Variants in PRKCA observed in about 807,000 individuals in gnomAD.
PRKCA encodes protein kinase C alpha type.
A neutral mutation model predicts 87.0 loss-of-function variants in PRKCA; 27 were observed. The observed-to-expected ratio is 0.31, with a 90% confidence interval of 0.23 to 0.43. The LOEUF is 0.43. Ranked by LOEUF, PRKCA falls within the 20% of genes least tolerant of loss-of-function variation. PRKCA has a pLI of 1.00. For synonymous variants in PRKCA, 329 were observed against 311.1 expected (o/e 1.06, Z -0.61); for missense variants, 518 against 852.3 (o/e 0.61, Z 4.88).
intron 2 of PRKCA, among the ~76,000 whole-genome samples, chr17:66,370,228 C>CTTTTTTTTTTTTTTT (rs35851942): frequency 8.9e-6 from 1 of 112,258 alleles, no homozygotes; most frequent in Non-Finnish European, 1.7e-5. Context: ...TATTTTGATA[C>CTTTTTTTTTTTTTTT]TTTTTTTTTT....
chr17:66,582,250 G>A (rs971876108), intron 3 of PRKCA, among the ~76,000 whole-genome samples: 1 of 152,158 alleles, frequency 6.6e-6, no homozygotes, highest in Admixed American at 6.6e-5. Context: ...CGCAACTCAA[G>A]GACTTCTGTG....
intron 5 of PRKCA, among the ~76,000 whole-genome samples, chr17:66,671,487 G>GGT (rs2143951781): frequency 6.6e-6 from 1 of 152,220 alleles, no homozygotes; most frequent in South Asian, 2.1e-4. Context: ...ATATGTCCAA[G>GGT]GTGCTGAGTA....
At chr17:66,449,260 G>T (rs1914192560) in intron 2 of PRKCA, among the ~76,000 whole-genome samples, 1 of 152,122 alleles carries the variant, frequency 6.6e-6, no homozygotes, top group African/African-American at 2.4e-5. Flanking sequence ...CTGCACTCCA[G>T]CCTGGGCAAC....
At chr17:66,706,065 A>G (rs1400857902) in intron 8 of PRKCA, among the ~76,000 whole-genome samples, 1 of 152,154 alleles carries the variant, frequency 6.6e-6, no homozygotes, top group South Asian at 2.1e-4. Flanking sequence ...CTGATTAATA[A>G]TGCAGAGGTT....
At chr17:66,581,630 C>T (rs1036355454) in intron 3 of PRKCA, among the ~76,000 whole-genome samples, 14 of 152,120 alleles carry the variant, frequency 9.2e-5, no homozygotes, top group African/African-American at 2.9e-4. Flanking sequence ...CACCCGCCAC[C>T]ACGCCTGGCT....
At chr17:66,611,532 G>T (rs1403678424) in intron 3 of PRKCA, among the ~76,000 whole-genome samples, 2 of 152,102 alleles carry the variant, frequency 1.3e-5, no homozygotes, top group Non-Finnish European at 2.9e-5. Context: ...TGTTTTAATG[G>T]CCTAATAATA....
chr17:66,362,819 C>T (rs959631706), intron 2 of PRKCA, among the ~76,000 whole-genome samples: 9 of 151,932 alleles, frequency 5.9e-5, no homozygotes, highest in African/African-American at 9.7e-5. Flanking sequence ...CTCAGTCAGC[C>T]GAGTAGTTGG....
intron 3 of PRKCA, among the ~76,000 whole-genome samples, chr17:66,578,110 C>T (rs977100869): frequency 7.3e-5 from 11 of 151,606 alleles, no homozygotes; most frequent in Non-Finnish European, 1.6e-4. Flanking sequence ...TTCCCTTCCT[C>T]AGCCAGCTAA....
In PRKCA at chr17:66,767,501, G is replaced by T. The variant is rs371745842; in HGVS notation, c.1525-6486G>T. ...TTCTGTTGCCCTTCTACTTGGTCAGGACAGGATTTGTAGAAAAGCTGAGAT... is the reference window on the plus strand; with the variant it reads ...TTCTGTTGCCCTTCTACTTGGTCAGTACAGGATTTGTAGAAAAGCTGAGAT... On this transcript the variant is annotated intron_variant, in intron 13 of 16. Transcript: ENST00000413366. 8.5e-5 allele frequency among the ~76,000 whole-genome samples: 13 copies of T among 152,254 alleles called. No individual in the cohort carries two copies. In the East Asian group the frequency reaches 2.5e-3, roughly 29 times the overall value.
At chr17:66,751,581 C>G (rs1485923793) in intron 13 of PRKCA, among the ~76,000 whole-genome samples, 1 of 152,222 alleles carries the variant, frequency 6.6e-6, no homozygotes, top group Non-Finnish European at 1.5e-5. Context: ...CTTTACCATA[C>G]AAGCAGTTAT....
At chr17:66,593,817 C>T (rs541594979) in intron 3 of PRKCA, among the ~76,000 whole-genome samples, 1 of 152,272 alleles carries the variant, frequency 6.6e-6, no homozygotes, top group South Asian at 2.1e-4. Context: ...GGTGTGGGGG[C>T]CCACGCCTGT....
At chr17:66,639,579 G>A (rs544320825) in intron 3 of PRKCA, among the ~76,000 whole-genome samples, 2 of 152,100 alleles carry the variant, frequency 1.3e-5, no homozygotes, top group Admixed American at 6.5e-5. Context: ...ATAGAGACAG[G>A]GTATCACCAT....
Position 66,809,779 on chromosome 17 carries a change from C to A in PRKCA, c.*5742C>A, listed in dbSNP as rs1373963636. 6.6e-6 allele frequency: 1 copy of A among 152,182 alleles called. No individual in the cohort carries two copies. Among genetic ancestry groups the A allele is most frequent in the African/African-American group, 2.4e-5 (1 of 41,438 alleles). The allele number at this position is 152,182 out of a possible 1,614,324, so 9.4% of individuals were successfully genotyped here. On this transcript the variant is annotated 3_prime_UTR_variant, in exon 17 of 17. Coordinates refer to ENST00000413366, the MANE Select transcript of PRKCA (RefSeq NM_002737.3). ...ACCACAGGAAAGACATTTTTAGTGT[C>A]CCCCATCCAGAGGCAGCCCTGGAAT...
At chr17:66,782,594 T>C (rs1409429957) in intron 14 of PRKCA, among the ~76,000 whole-genome samples, 1 of 152,248 alleles carries the variant, frequency 6.6e-6, no homozygotes, top group Non-Finnish European at 1.5e-5. Context: ...AGTCGCTCTC[T>C]ACGGGATGAC....
At position 66,525,323 on chromosome 17, in the gene PRKCA, C is replaced by A. The variant is rs189979985; in HGVS notation, c.288+29040C>A. On this transcript the variant is annotated intron_variant, in intron 3 of 16. Transcript: ENST00000413366. ...CCATCAGCATCATATTTTTTTGTTACTAATAATTGAAAGATGTAAATATTT... is the reference window on the plus strand; with the variant it reads ...CCATCAGCATCATATTTTTTTGTTAATAATAATTGAAAGATGTAAATATTT... 1.9e-4 allele frequency among the ~76,000 whole-genome samples: 29 copies of A among 152,160 alleles called. No individual in the cohort carries two copies. In the East Asian group the frequency reaches 3.1e-3, roughly 16 times the overall value.
chr17:66,560,742 GA>G (rs1598769819), intron 3 of PRKCA, among the ~76,000 whole-genome samples: 1 of 152,314 alleles, frequency 6.6e-6, no homozygotes, highest in East Asian at 1.9e-4. Flanking sequence ...ATCACCTGAG[GA>G]ACTTAAGACT....
At chr17:66,731,636 T>C (rs1017023301) in intron 8 of PRKCA, among the ~76,000 whole-genome samples, 1 of 152,104 alleles carries the variant, frequency 6.6e-6, no homozygotes, top group African/African-American at 2.4e-5. Flanking sequence ...CCTTTTGCCT[T>C]TGACATGGAC....
At chr17:66,509,321 A>T (rs1244048219) in intron 3 of PRKCA, among the ~76,000 whole-genome samples, 2 of 152,078 alleles carry the variant, frequency 1.3e-5, no homozygotes, top group African/African-American at 2.4e-5. Context: ...ATGGGATAGC[A>T]CCAGTCTGAT....
chr17:66,570,555 G>A (rs1158639850), intron 3 of PRKCA, among the ~76,000 whole-genome samples: 1 of 152,208 alleles, frequency 6.6e-6, no homozygotes, highest in Non-Finnish European at 1.5e-5. Flanking sequence ...ATGGGTGAGA[G>A]GAGGAGGCGG....
Sources: allele counts gnomAD v4.1 joint callset (sites outside exome capture counted in the v4.1 genomes callset), GRCh38; gene constraint gnomAD v4.1.1; transcripts MANE v1.5; gene names NCBI Gene and HGNC (gene_info 2026-07-23, HGNC 2026-07-21).